Variants in SLC44A5 observed in about 807,000 individuals in gnomAD.
SLC44A5 encodes choline transporter-like protein 5.
In SLC44A5, 57 loss-of-function variants were observed where a neutral mutation model predicts 101.8. That is an observed-to-expected ratio of 0.56 (90% CI 0.45 to 0.70). SLC44A5 has a LOEUF of 0.70. Ranked by LOEUF, SLC44A5 falls within the 30% of genes least tolerant of loss-of-function variation. The pLI, the probability that SLC44A5 is intolerant of heterozygous loss-of-function variation, is 0.00. For synonymous variants in SLC44A5, 281 were observed against 290.9 expected, an observed-to-expected ratio of 0.97 and a Z score of 0.35; for missense variants, 737 against 853.1, an observed-to-expected ratio of 0.86 and a Z score of 1.70.
the SLC44A5 span, among the ~76,000 whole-genome samples, chr1:75,634,111 G>A: frequency 1.4e-3 from 212 of 152,272 alleles, 1 homozygote; most frequent in African/African-American, 4.7e-3. Context: ...TGTGCTGCTG[G>A]ATTCGCTTTG....
the SLC44A5 span, among the ~76,000 whole-genome samples, chr1:75,694,651 T>C: frequency 6.6e-6 from 1 of 152,118 alleles, no homozygotes; most frequent in South Asian, 2.1e-4. Context: ...AGATGTTACA[T>C]AGAAAAACTG....
intron 1 of SLC44A5, among the ~76,000 whole-genome samples, chr1:75,598,756 A>T (rs1015630294): frequency 6.6e-6 from 1 of 152,094 alleles, no homozygotes; most frequent in Non-Finnish European, 1.5e-5. Context: ...GGGAAACAAC[A>T]CATACTGGGG....
chr1:75,519,129 T>C (rs931285755), intron 2 of SLC44A5, among the ~76,000 whole-genome samples: 4 of 152,300 alleles, frequency 2.6e-5, no homozygotes, highest in African/African-American at 7.2e-5. Context: ...TGAATATCTC[T>C]CTAAAAATTA....
At chr1:75,325,486 T>G (rs1268035680) in intron 4 of SLC44A5, among the ~76,000 whole-genome samples, 1 of 152,036 alleles carries the variant, frequency 6.6e-6, no homozygotes, top group Non-Finnish European at 1.5e-5. Context: ...ATCCACAGTT[T>G]CGCTTTCCAA....
chr1:75,294,658 A>G (rs1371789598), intron 5 of SLC44A5, among the ~76,000 whole-genome samples: 3 of 152,152 alleles, frequency 2.0e-5, no homozygotes, highest in African/African-American at 7.2e-5. Flanking sequence ...ATGTATACAT[A>G]CATACACATA....
At chr1:75,418,594 T>A (rs1458167655) in intron 2 of SLC44A5, among the ~76,000 whole-genome samples, 5 of 152,004 alleles carry the variant, frequency 3.3e-5, no homozygotes, top group Non-Finnish European at 7.4e-5. Context: ...GTCTGAGGAA[T>A]AAAAGGATTT....
chr1:75,539,431 T>TG (rs1169734096), intron 2 of SLC44A5, among the ~76,000 whole-genome samples: 1 of 152,210 alleles, frequency 6.6e-6, no homozygotes, highest in Non-Finnish European at 1.5e-5. Context: ...ATAGTGGTGG[T>TG]GCTAGAGGTG....
At chr1:75,463,237 C>T (rs1010295935) in intron 2 of SLC44A5, among the ~76,000 whole-genome samples, 7 of 151,858 alleles carry the variant, frequency 4.6e-5, no homozygotes, top group East Asian at 1.9e-4. Context: ...TTGGCTAACA[C>T]GGTGAAACCC....
the SLC44A5 span, among the ~76,000 whole-genome samples, chr1:75,719,995 G>A: frequency 6.6e-6 from 1 of 152,200 alleles, no homozygotes; most frequent in African/African-American, 2.4e-5. Context: ...GACTTCCCCT[G>A]TTCTGGGAAG....
At position 75,237,026 on chromosome 1, in the gene SLC44A5, A is replaced by G. The variant is rs762948546; in HGVS notation, c.701T>C (p.Val234Ala). 2 of 1,603,642 alleles carry G rather than the reference A, an allele frequency of 1.2e-6. No homozygotes were observed. Among genetic ancestry groups the G allele is most frequent in the South Asian group, 2.2e-5 (2 of 90,034 alleles). The change falls in exon 11 of 24, where the codon GTG becomes GCG. Residue 234 changes from valine to alanine, a missense_variant. By Grantham distance (64) the Val-to-Ala change is moderately conservative. Coordinates refer to ENST00000370859, the MANE Select transcript of SLC44A5 (RefSeq NM_001130058.2). ...LLDAKSLGLK[V>A]FEDYARTWYW... Reference sequence around the variant, plus strand: ...CCAAGTTCTTGCATAGTCTTCAAACACTTTCAATCCAAGTGACTTTGCATC... The same window carrying G: ...CCAAGTTCTTGCATAGTCTTCAAACGCTTTCAATCCAAGTGACTTTGCATC...
chr1:75,625,282 A>G, the SLC44A5 span, among the ~76,000 whole-genome samples: 1 of 152,140 alleles, frequency 6.6e-6, no homozygotes, highest in Admixed American at 6.6e-5. Flanking sequence ...TACTTTTGGA[A>G]CTTAGAAACC....
intron 1 of SLC44A5, among the ~76,000 whole-genome samples, chr1:75,602,456 G>A (rs1046676545): frequency 6.6e-6 from 1 of 152,108 alleles, no homozygotes; most frequent in Non-Finnish European, 1.5e-5. Flanking sequence ...GGATTGTGGA[G>A]GGGTGTATTC....
intron 3 of SLC44A5, among the ~76,000 whole-genome samples, chr1:75,347,068 TC>T (rs1323152071): frequency 3.3e-5 from 5 of 152,148 alleles, no homozygotes; most frequent in African/African-American, 9.7e-5. Flanking sequence ...ATTAAGTTCT[TC>T]TGTAAGAAGG....
At chr1:75,484,116 A>AT (rs1485787073) in intron 2 of SLC44A5, among the ~76,000 whole-genome samples, 1 of 152,088 alleles carries the variant, frequency 6.6e-6, no homozygotes, top group African/African-American at 2.4e-5. Flanking sequence ...CCCCTCCAAA[A>AT]TCTCATGTCC....
At chr1:75,580,338 G>C (rs59685803) in intron 1 of SLC44A5, among the ~76,000 whole-genome samples, 2,479 of 152,304 alleles carry the variant, frequency 0.016, 76 homozygotes, top group African/African-American at 0.057. Flanking sequence ...CGGGGTGGGT[G>C]TCCCATATGA....
intron 2 of SLC44A5, among the ~76,000 whole-genome samples, chr1:75,456,068 A>G (rs1666170873): frequency 6.6e-6 from 1 of 152,162 alleles, no homozygotes; most frequent in Admixed American, 6.6e-5. Flanking sequence ...TTCCCTGTTC[A>G]CTGCAGCATA....
rs747127746 is a variant in SLC44A5, at chr1:75,365,440, C to A, written c.53-25810G>T. ...CATGGTATTTGGTTTTCTGTTCCTG[C>A]ATTAGTTTGCTAAGGATGATGGCCT... On this transcript the variant is annotated intron_variant, in intron 3 of 23. Transcript: ENST00000370859. Among the ~76,000 whole-genome samples the A allele has an allele frequency of 2.6e-5, 4 of 152,162 alleles. 1 individual carries two copies. The highest frequency in any genetic ancestry group is 4.8e-5 in the African/African-American group (2 of 41,436).
At chr1:75,466,519 G>T (rs1352686862) in intron 2 of SLC44A5, among the ~76,000 whole-genome samples, 1 of 152,028 alleles carries the variant, frequency 6.6e-6, no homozygotes, top group African/African-American at 2.4e-5. Flanking sequence ...AGCTGGGCGT[G>T]GTGGCAGGTG....
intron 3 of SLC44A5, chr1:75,353,963 G>T: frequency 3.4e-6 from 1 of 296,410 alleles, no homozygotes; most frequent in Non-Finnish European, 6.6e-6. Context: ...ACTTTCCAAG[G>T]ATTCTTCTTC....
Sources: gnomAD v4.1 joint callset for allele counts (sites outside exome capture counted in the v4.1 genomes callset) on GRCh38, gnomAD v4.1.1 for gene constraint, MANE v1.5 for transcripts, NCBI Gene and HGNC (gene_info 2026-07-23, HGNC 2026-07-21) for gene names.